ZNF569: variants seen among roughly 807,000 people sequenced by gnomAD.
ZNF569 encodes the protein zinc finger protein 569, also known as DNA-binding protein.
ZNF569 carries 38 observed loss-of-function variants against 56.3 expected under a neutral mutation model. The ratio of observed to expected loss-of-function variants is 0.68; its 90% CI spans 0.52 to 0.88. ZNF569 has a LOEUF of 0.88. Ranked by LOEUF, ZNF569 falls within the 40% of genes least tolerant of loss-of-function variation. The probability of loss-of-function intolerance (pLI) is 0.00; values close to 1 mark genes in which losing one functional copy is unlikely to be tolerated. For synonymous variants in ZNF569, 241 were observed against 262.9 expected (o/e 0.92, Z 0.81); for missense variants, 666 against 809.2 (o/e 0.82, Z 2.15).
Position 37,414,019 on chromosome 19 carries a change from G to A in ZNF569, c.639C>T (p.Pro213=), listed in dbSNP as rs2040886243. 6.2e-7 allele frequency: 1 copy of A among 1,613,340 alleles called. No homozygotes were observed. The highest frequency in any genetic ancestry group is 1.3e-5 in the African/African-American group (1 of 74,960). ...CTTTTCTACAGTTACTACATTCATA[G>A]GGCTTCTCTCCAGTATGAATTCTCA... ...RHLRIHTGEK[P]YECSNCRKAF... Residue 213 remains proline, a synonymous_variant, in exon 6 of 6, where the codon CCC becomes CCT. Transcript: ENST00000316950.
At chr19:37,461,107 T>G (rs1568751743) in intron 2 of ZNF569, among the ~76,000 whole-genome samples, 1 of 152,174 alleles carries the variant, frequency 6.6e-6, no homozygotes. Flanking sequence ...AAACTGTACC[T>G]AAGGGTGAAC....
In ZNF569 at chr19:37,412,840, A is replaced by G; in HGVS notation, c.1818T>C (p.Tyr606=). 1.2e-6 allele frequency: 2 copies of G among 1,614,044 alleles called. No individual in the cohort carries two copies. Among genetic ancestry groups the G allele is most frequent in the South Asian group, 1.1e-5 (1 of 91,088 alleles). ...HMRGHTGEKP[Y]ECNKCGKAFS... is the part of the protein sequence containing the mutation. ...AGGCTTTTCCACATTTATTACATTCATAGGGTTTTTCACCTGTATGGCCTC... is the reference window on the plus strand; with the variant it reads ...AGGCTTTTCCACATTTATTACATTCGTAGGGTTTTTCACCTGTATGGCCTC... The change falls in exon 6 of 6, where the codon TAT becomes TAC. Residue 606 remains tyrosine, a synonymous_variant. Coordinates refer to ENST00000316950, the MANE Select transcript of ZNF569 (RefSeq NM_152484.3).
At chr19:37,436,515 T>A (rs2041311421) in intron 3 of ZNF569, among the ~76,000 whole-genome samples, 1 of 149,036 alleles carries the variant, frequency 6.7e-6, no homozygotes, top group Non-Finnish European at 1.5e-5. Flanking sequence ...ATGAAGAAAA[T>A]GATACAAAAG....
chr19:37,415,313 G>GA (rs1047652593), intron 5 of ZNF569, among the ~76,000 whole-genome samples: 3 of 151,832 alleles, frequency 2.0e-5, no homozygotes, highest in African/African-American at 4.8e-5. Context: ...TTGAAAAAAT[G>GA]AAAAAATCAA....
intron 1 of ZNF569, among the ~76,000 whole-genome samples, chr19:37,466,485 C>T (rs191918846): frequency 1.3e-5 from 2 of 152,062 alleles, no homozygotes; most frequent in East Asian, 3.9e-4. Context: ...CAAAATTAGC[C>T]AGGCGTGGTG....
intron 3 of ZNF569, among the ~76,000 whole-genome samples, chr19:37,434,879 A>G (rs1374054912): frequency 3.9e-5 from 6 of 152,302 alleles, no homozygotes; most frequent in African/African-American, 1.4e-4. Context: ...CCCAAAACTT[A>G]CAAGAACTAA....
upstream of ZNF569, chr19:37,468,071 G>GTT (rs35295578): frequency 0.012 from 7,275 of 583,074 alleles, 32 homozygotes; most frequent in African/African-American, 0.031. Context: ...TGCCTTTCGT[G>GTT]TTTTTTTTTT....
intron 2 of ZNF569, among the ~76,000 whole-genome samples, chr19:37,446,567 A>AAAAAAAG (rs1555839149): frequency 7.1e-5 from 10 of 141,000 alleles, no homozygotes; most frequent in South Asian, 4.4e-4. Flanking sequence ...AAAAAAAAAA[A>AAAAAAAG]AAGAATGAAA....
In ZNF569 at chr19:37,413,372, T is replaced by A; in HGVS notation, c.1286A>T (p.Gln429Leu). The change falls in exon 6 of 6, where the codon CAG (glutamine) becomes CTG (leucine). Residue 429 changes from glutamine to leucine, a missense_variant. Gln to Leu is a moderately radical substitution (Grantham distance 113, BLOSUM62 -2). Coordinates refer to ENST00000316950, the MANE Select transcript of ZNF569 (RefSeq NM_152484.3). ...AGGTTTCTCTCTAGTATGAATTTTC[T>A]GGTGTGTAATGAAGTTTTTCTTGTG... ...FSHKKNFITH[Q>L]KIHTREKPYE... The A allele has an allele frequency of 6.2e-7, 1 of 1,609,182 alleles. No homozygotes were observed. Among genetic ancestry groups the A allele is most frequent in the Middle Eastern group, 1.7e-4 (1 of 6,014 alleles).
Position 37,412,289 on chromosome 19 carries a change from C to A in ZNF569, c.*308G>T, listed in dbSNP as rs2040851179. On this transcript the variant is annotated 3_prime_UTR_variant, in exon 6 of 6. Transcript: ENST00000316950. The stretch of plus-strand genomic sequence containing the variant: ...TCTTCGTTGATACTTGTTTTCCTTA[C>A]TTAATACATTGGCTAGGAGCTCAAG... The A allele has an allele frequency of 1.2e-5, 3 of 257,962 alleles. No individual in the cohort carries two copies. The highest frequency in any genetic ancestry group is 2.2e-5 in the Non-Finnish European group (3 of 138,364). 16.0% of individuals were successfully genotyped at this position (257,962 alleles called of 1,614,324 possible). A position where few individuals can be genotyped will look rare whatever the true frequency, so the allele number is the denominator to read the frequency against.
At position 37,413,141 on chromosome 19, in the gene ZNF569, T is replaced by G. The variant is rs767542770; in HGVS notation, c.1517A>C (p.Lys506Thr). The change falls in exon 6 of 6, where the codon AAG (lysine) becomes ACG (threonine). Residue 506 changes from lysine (K) to threonine (T), a missense_variant. By Grantham distance (78) the Lys-to-Thr change is moderately conservative (BLOSUM62 -1). Coordinates refer to ENST00000316950, the MANE Select transcript of ZNF569 (RefSeq NM_152484.3). ...CNECGKAFSQ[K>T]QNFITHQKVH... is the part of the protein sequence containing the mutation. The stretch of plus-strand genomic sequence containing the variant: ...TTTTTGATGTGTAATGAAGTTTTGC[T>G]TTTGGCTGAAGGCTTTACCACATTC... 1 of 1,608,878 alleles carries G rather than the reference T, an allele frequency of 6.2e-7. No homozygotes were observed. Among genetic ancestry groups the G allele is most frequent in the African/African-American group, 1.3e-5 (1 of 74,708 alleles).
chr19:37,444,814 C>G, intron 3 of ZNF569, 93 bp downstream of exon 3: 1 of 979,532 alleles, frequency 1.0e-6, no homozygotes, highest in Non-Finnish European at 1.5e-6. Context: ...TTTATGTATA[C>G]AGACCTTTAT....
intron 3 of ZNF569, among the ~76,000 whole-genome samples, chr19:37,436,157 T>G (rs376205128): frequency 2.0e-5 from 3 of 152,028 alleles, no homozygotes; most frequent in East Asian, 3.9e-4. Flanking sequence ...CTAACCACAA[T>G]GGAATAAAAC....
At position 37,426,372 on chromosome 19, in the gene ZNF569, C is replaced by G. The variant is rs761631983; in HGVS notation, c.22G>C (p.Val8Leu). 4.4e-6 allele frequency: 7 copies of G among 1,604,402 alleles called. No homozygotes were observed. The highest frequency in any genetic ancestry group is 3.3e-4 in the Middle Eastern group (2 of 6,022). Residue 8 changes from valine (V) to leucine (L), a missense_variant, in exon 4 of 6, where the codon GTA becomes CTA. Coordinates refer to ENST00000316950, the MANE Select transcript of ZNF569 (RefSeq NM_152484.3). Reference protein sequence around the residue: MTESQGTVTFKDVAIDFT... With the variant: MTESQGTLTFKDVAIDFT... ...TCGATAGCCACATCTTTGAATGTTA[C>G]TGTTCCCTGTAACAACACACTCCCA...
chr19:37,468,782 AGGCGTGAGCCACCGTGCCAG>A (rs1212314942), upstream of ZNF569, among the ~76,000 whole-genome samples: 1 of 152,204 alleles, frequency 6.6e-6, no homozygotes, highest in Non-Finnish European at 1.5e-5. Context: ...CTGGGATTAC[AGGCGTGAGCCACCGTGCCAG>A]GCTGAGGGTA....
At position 37,425,971 on chromosome 19, in the gene ZNF569, A is replaced by C. The variant is rs370994250; in HGVS notation, c.143-8T>G. On this transcript the variant is annotated splice_region_variant and splice_polypyrimidine_tract_variant and intron_variant, in intron 4 of 5. Transcript: ENST00000316950. ...GTTTGGTGAACGGATAGCCTGTCAA[A>C]GGGAAGTTACATAGATTTGGGCATA... 37 of 1,613,520 alleles carry C rather than the reference A, an allele frequency of 2.3e-5. No homozygotes were observed. Among genetic ancestry groups the C allele is most frequent in the Non-Finnish European group, 3.0e-5 (35 of 1,179,690 alleles).
chr19:37,433,189 T>C (rs760098342), intron 3 of ZNF569, among the ~76,000 whole-genome samples: 21 of 152,028 alleles, frequency 1.4e-4, no homozygotes, highest in Non-Finnish European at 2.6e-4. Flanking sequence ...AATGCTAGGA[T>C]TGTAGGCATG....
intron 2 of ZNF569, among the ~76,000 whole-genome samples, chr19:37,456,744 G>A (rs192839510): frequency 2.6e-3 from 389 of 152,064 alleles, no homozygotes; most frequent in African/African-American, 8.3e-3. Context: ...TGAGGTGGGC[G>A]GATCACAAGG....
intron 3 of ZNF569, among the ~76,000 whole-genome samples, chr19:37,436,365 T>C (rs933171664): frequency 2.6e-5 from 4 of 151,946 alleles, no homozygotes; most frequent in Non-Finnish European, 5.9e-5. Flanking sequence ...TTTATAGCTA[T>C]AAGCACCTAC....
Sources: allele counts gnomAD v4.1 joint callset (sites outside exome capture counted in the v4.1 genomes callset), GRCh38; gene constraint gnomAD v4.1.1; transcripts MANE v1.5; gene names NCBI Gene and HGNC (gene_info 2026-07-23, HGNC 2026-07-21).